The following RARB variants were observed in gnomAD, a reference collection of about 807,000 sequenced individuals.
RARB encodes the protein HBV-activated protein.
A neutral mutation model predicts 51.9 loss-of-function variants in RARB; 17 were observed. The observed-to-expected ratio is 0.33, with a 90% confidence interval of 0.22 to 0.49. The LOEUF (loss-of-function observed/expected upper bound fraction) is 0.49. RARB is among the 20% of genes least tolerant of loss of function. The pLI is 0.99. For missense variants in RARB, 369 were observed against 550.8 expected, an observed-to-expected ratio of 0.67 and a Z score of 3.30; for synonymous variants, 215 against 195.4, an observed-to-expected ratio of 1.10 and a Z score of -0.84.
intron 3 of RARB, among the ~76,000 whole-genome samples, chr3:25,502,224 T>C (rs1697354346): frequency 6.6e-6 from 1 of 152,208 alleles, no homozygotes. Flanking sequence ...ACATGGCTGC[T>C]GCCCTCCAGG....
At chr3:25,205,543 G>A (rs935518287) in intron 5 of RARB, among the ~76,000 whole-genome samples, 5 of 152,014 alleles carry the variant, frequency 3.3e-5, no homozygotes, top group African/African-American at 1.2e-4. Flanking sequence ...GACTGGAGCT[G>A]TTCGTATTCG....
At chr3:24,920,366 AT>A (rs565862933) in intron 2 of RARB, among the ~76,000 whole-genome samples, 232 of 152,352 alleles carry the variant, frequency 1.5e-3, no homozygotes, top group African/African-American at 5.5e-3. Flanking sequence ...AAAATCACAG[AT>A]TTAAAATTAG....
intron 2 of RARB, among the ~76,000 whole-genome samples, chr3:24,917,401 T>C (rs1695128955): frequency 6.6e-6 from 1 of 152,094 alleles, no homozygotes; most frequent in South Asian, 2.1e-4. Context: ...TATTTGCAAA[T>C]AGCATATTTG....
At chr3:25,344,970 T>C (rs545382330) in intron 5 of RARB, among the ~76,000 whole-genome samples, 1 of 152,348 alleles carries the variant, frequency 6.6e-6, no homozygotes, top group Non-Finnish European at 1.5e-5. Flanking sequence ...AGTATACATT[T>C]ATGGTCTTAA....
chr3:24,956,678 C>T (rs961971282), intron 2 of RARB, among the ~76,000 whole-genome samples: 1 of 152,080 alleles, frequency 6.6e-6, no homozygotes, highest in East Asian at 1.9e-4. Flanking sequence ...ATGAAATTAC[C>T]TATAATTTTG....
intron 2 of RARB, among the ~76,000 whole-genome samples, chr3:24,883,612 A>G (rs1331132410): frequency 6.6e-6 from 1 of 152,144 alleles, no homozygotes; most frequent in African/African-American, 2.4e-5. Flanking sequence ...TTGAAGTTCA[A>G]TAATTCATCT....
At chr3:24,967,405 T>C (rs903794643) in intron 2 of RARB, among the ~76,000 whole-genome samples, 4 of 152,132 alleles carry the variant, frequency 2.6e-5, no homozygotes, top group African/African-American at 9.7e-5. Flanking sequence ...CCCCCGCAAA[T>C]TCTAAGTAGC....
intron 1 of RARB, among the ~76,000 whole-genome samples, chr3:24,854,081 AT>A: frequency 6.6e-6 from 1 of 152,208 alleles, no homozygotes; most frequent in East Asian, 1.9e-4. Flanking sequence ...GTGTAGTTTC[AT>A]CGTAAATAGA....
chr3:25,357,608 T>TTGTCCTGAA (rs1398161595), intron 5 of RARB, among the ~76,000 whole-genome samples: 1 of 152,208 alleles, frequency 6.6e-6, no homozygotes, highest in Non-Finnish European at 1.5e-5. Context: ...CTGAATGGTG[T>TTGTCCTGAA]TGCCTAGGTT....
chr3:25,337,190 C>T (rs1264534161), intron 5 of RARB, among the ~76,000 whole-genome samples: 9 of 152,040 alleles, frequency 5.9e-5, no homozygotes, highest in Non-Finnish European at 1.2e-4. Context: ...CCACTATTAC[C>T]ACCATCCTTT....
At chr3:25,136,503 G>A (rs1027248216) in intron 4 of RARB, among the ~76,000 whole-genome samples, 1 of 151,942 alleles carries the variant, frequency 6.6e-6, no homozygotes, top group Non-Finnish European at 1.5e-5. Flanking sequence ...CAGCATGCTA[G>A]AGTGTTTTGT....
chr3:25,308,695 G>T (rs147630003), intron 5 of RARB, among the ~76,000 whole-genome samples: 1 of 152,088 alleles, frequency 6.6e-6, no homozygotes, highest in African/African-American at 2.4e-5. Flanking sequence ...TGATCCACCT[G>T]CCTCAGCCTC....
chr3:24,899,632 T>C (rs1371661743), intron 2 of RARB, among the ~76,000 whole-genome samples: 2 of 151,954 alleles, frequency 1.3e-5, no homozygotes, highest in East Asian at 3.9e-4. Flanking sequence ...ATAAGCTGGG[T>C]AGTGTTCTCC....
chr3:25,069,411 G>T (rs972692084), intron 3 of RARB, among the ~76,000 whole-genome samples: 1 of 152,134 alleles, frequency 6.6e-6, no homozygotes, highest in Non-Finnish European at 1.5e-5. Context: ...CAGACAGTTT[G>T]ACATTTTGTT....
intron 4 of RARB, among the ~76,000 whole-genome samples, chr3:25,136,833 G>A (rs748503655): frequency 3.6e-4 from 55 of 152,070 alleles, no homozygotes; most frequent in African/African-American, 8.9e-4. Context: ...GAAACATAGC[G>A]TTGGGGAAGG....
chr3:24,972,477 T>C (rs1696421550), intron 2 of RARB, among the ~76,000 whole-genome samples: 1 of 152,022 alleles, frequency 6.6e-6, no homozygotes, highest in Non-Finnish European at 1.5e-5. Flanking sequence ...CTTTGCTATA[T>C]TGATTTTTTT....
chr3:25,230,131 C>T (rs1254558279), intron 5 of RARB, among the ~76,000 whole-genome samples: 1 of 152,136 alleles, frequency 6.6e-6, no homozygotes. Context: ...TCTGTCTTCT[C>T]TGTTTCTTCC....
chr3:25,108,070 A>T (rs1391154159), intron 3 of RARB, among the ~76,000 whole-genome samples: 1 of 152,174 alleles, frequency 6.6e-6, no homozygotes, highest in Non-Finnish European at 1.5e-5. Context: ...CTATTAAATG[A>T]CTAATGGGTG....
chr3:25,569,647 G>GTCCCAAATATCAAA, intron 3 of RARB, 111 bp from the exon 4 acceptor site: 1 of 1,283,274 alleles, frequency 7.8e-7, no homozygotes, highest in Non-Finnish European at 1.1e-6. Flanking sequence ...CACTGTTTCT[G>GTCCCAAATATCAAA]TCCCAAATAT....
Sources: allele counts gnomAD v4.1 joint callset (sites outside exome capture counted in the v4.1 genomes callset), GRCh38; gene constraint gnomAD v4.1.1; transcripts MANE v1.5; gene names NCBI Gene and HGNC (gene_info 2026-07-23, HGNC 2026-07-21).